The following SULF1 variants were observed in gnomAD, a reference collection of about 807,000 sequenced individuals.
The protein encoded by SULF1 is sulfatase 1.
Under a neutral mutation model 110.5 loss-of-function variants are expected in SULF1, and 46 were observed. The ratio of observed to expected loss-of-function variants is 0.42; its 90% CI spans 0.33 to 0.53. The LOEUF (loss-of-function observed/expected upper bound fraction) is 0.53, where lower values mean the gene tolerates loss of function less well. Among genes scored for constraint, SULF1 ranks in the 20% least tolerant of loss-of-function variants. SULF1 has a pLI of 0.12. For missense variants in SULF1, 941 were observed against 1,094.2 expected (o/e 0.86, Z 1.98); for synonymous variants, 371 against 387.1 (o/e 0.96, Z 0.49).
At chr8:69,594,195 G>T (rs1177215047) in intron 8 of SULF1, among the ~76,000 whole-genome samples, 1 of 152,102 alleles carries the variant, frequency 6.6e-6, no homozygotes, top group African/African-American at 2.4e-5. Flanking sequence ...GGAATTACAG[G>T]CATGCGCCAC....
In SULF1 at chr8:69,588,926, A is replaced by G. The variant is rs749468440; in HGVS notation, c.565-46A>G. On this transcript the variant is annotated intron_variant, in intron 7 of 22. Coordinates refer to ENST00000402687, the MANE Select transcript of SULF1 (RefSeq NM_001128205.2). ...CAGTTATTCAAATGCGATCTGATGA[A>G]TGTCACCTTTTGTAATTTTTGTTTT... 11 of 1,576,208 alleles carry G rather than the reference A, an allele frequency of 7.0e-6. No homozygotes were observed. The South Asian group carries it at 1.3e-4, about 18-fold the overall frequency.
intron 3 of SULF1, among the ~76,000 whole-genome samples, chr8:69,554,568 G>C (rs150315984): frequency 2.8e-4 from 42 of 152,068 alleles, no homozygotes; most frequent in South Asian, 8.3e-4. Context: ...AAAGTTTCAA[G>C]ACACTACAGG....
chr8:69,545,400 T>C (rs1266654294), intron 3 of SULF1, among the ~76,000 whole-genome samples: 1 of 152,194 alleles, frequency 6.6e-6, no homozygotes, highest in Non-Finnish European at 1.5e-5. Context: ...GGTATTTGAC[T>C]ACACATAGCA....
At chr8:69,658,053 G>A (rs1237590903) in intron 22 of SULF1, among the ~76,000 whole-genome samples, 1 of 152,178 alleles carries the variant, frequency 6.6e-6, no homozygotes, top group Non-Finnish European at 1.5e-5. Flanking sequence ...ACTAAGCATT[G>A]CCTATTACAT....
intron 19 of SULF1, chr8:69,637,569 T>A (rs560492440): frequency 6.5e-6 from 1 of 154,360 alleles, no homozygotes; most frequent in East Asian, 1.9e-4. Flanking sequence ...CCACATTTAT[T>A]GAAGAATGTA....
At chr8:69,525,516 G>A (rs907177183) in intron 3 of SULF1, among the ~76,000 whole-genome samples, 3 of 152,044 alleles carry the variant, frequency 2.0e-5, no homozygotes, top group Non-Finnish European at 2.9e-5. Flanking sequence ...AGTTGAGTGG[G>A]GAGAAAGAAT....
chr8:69,534,727 T>C (rs1456804636), intron 3 of SULF1, among the ~76,000 whole-genome samples: 1 of 152,172 alleles, frequency 6.6e-6, no homozygotes, highest in Non-Finnish European at 1.5e-5. Flanking sequence ...TGAAGGCAAT[T>C]TGAGAAGTTG....
chr8:69,521,036 C>A (rs144294273), intron 3 of SULF1, among the ~76,000 whole-genome samples: 2 of 152,122 alleles, frequency 1.3e-5, no homozygotes, highest in Non-Finnish European at 2.9e-5. Flanking sequence ...TGCTTGGAAC[C>A]TATTCTAATT....
intron 3 of SULF1, among the ~76,000 whole-genome samples, chr8:69,561,607 C>T (rs899348982): frequency 6.6e-5 from 10 of 152,204 alleles, no homozygotes; most frequent in South Asian, 4.1e-4. Flanking sequence ...GTTTGTCTAA[C>T]GCAGTGAGCC....
chr8:69,652,454 A>G (rs749974695), intron 22 of SULF1, among the ~76,000 whole-genome samples: 33 of 152,196 alleles, frequency 2.2e-4, no homozygotes, highest in Non-Finnish European at 4.1e-4. Context: ...TTCTCTTTTC[A>G]TTGAAGATTT....
In SULF1 at chr8:69,624,136, A is replaced by G. The variant is rs61747130; in HGVS notation, c.1789A>G (p.Arg597Gly). 4.1e-3 allele frequency: 6,658 copies of G among 1,612,834 alleles called. 258 individuals are homozygous for G. In the African/African-American group the frequency reaches 0.078, roughly 19 times the overall value. ...GGCTTCCAGTGGTGGCAACAGGGGC[A>G]GGATGCTGGCAGATAGCAGCAACGC... ...LQASSGGNRG[R>G]MLADSSNAVG... The change falls in exon 15 of 23, where the codon AGG becomes GGG. Residue 597 changes from arginine (R) to glycine (G), a missense_variant. Transcript: ENST00000402687.
At chr8:69,606,579 C>G (rs1808236036) in intron 13 of SULF1, among the ~76,000 whole-genome samples, 1 of 152,168 alleles carries the variant, frequency 6.6e-6, no homozygotes, top group South Asian at 2.1e-4. Context: ...ATAAGGTACA[C>G]TGCCTACATT....
At chr8:69,601,560 A>G in intron 9 of SULF1, 94 bp from the exon 10 acceptor site, 6 of 1,113,970 alleles carry the variant, frequency 5.4e-6, no homozygotes, top group Non-Finnish European at 7.4e-6. Flanking sequence ...TAAAAATAAC[A>G]GGAAAAAGAT....
intron 16 of SULF1, among the ~76,000 whole-genome samples, chr8:69,627,563 A>G (rs1335914771): frequency 1.3e-5 from 2 of 152,268 alleles, no homozygotes; most frequent in African/African-American, 4.8e-5. Flanking sequence ...CAGTTATAAA[A>G]GAGGAATCTG....
In SULF1 at chr8:69,604,901, G is replaced by C; in HGVS notation, c.1346G>C (p.Arg449Thr). Residue 449 changes from arginine (R) to threonine (T), a missense_variant, in exon 13 of 23, where the codon AGG (arginine) becomes ACG (threonine). Arg to Thr is a moderately conservative substitution (Grantham distance 71). Coordinates refer to ENST00000402687, the MANE Select transcript of SULF1 (RefSeq NM_001128205.2). ...GTCAAAGAACTATGCCAGCAGGCCAGGTACCAGACAGCCTGTGAACAACCG... is the reference window on the plus strand; with the variant it reads ...GTCAAAGAACTATGCCAGCAGGCCACGTACCAGACAGCCTGTGAACAACCG... ...ERVKELCQQA[R>T]YQTACEQPGQ... 6.2e-7 allele frequency: 1 copy of C among 1,614,182 alleles called. No homozygotes were observed. The highest frequency in any genetic ancestry group is 8.5e-7 in the Non-Finnish European group (1 of 1,180,024).
At chr8:69,637,247 A>C (rs1243175516) in intron 19 of SULF1, among the ~76,000 whole-genome samples, 1 of 152,194 alleles carries the variant, frequency 6.6e-6, no homozygotes, top group Non-Finnish European at 1.5e-5. Context: ...GATTGCTCTC[A>C]AGGTCATTGT....
At chr8:69,563,894 C>G in intron 4 of SULF1, 22 bp from the exon 5 acceptor site, 3 of 1,444,970 alleles carry the variant, frequency 2.1e-6, no homozygotes, top group Non-Finnish European at 2.9e-6. Flanking sequence ...CTCACCGTCT[C>G]CGTTTTTCTC....
In SULF1 at chr8:69,629,456, GA is replaced by G. The variant is rs1462767370; in HGVS notation, c.2109-47del. On this transcript the variant is annotated intron_variant, in intron 18 of 22. Coordinates refer to ENST00000402687, the MANE Select transcript of SULF1 (RefSeq NM_001128205.2). ...CACAGCAACAAGCCTATTTGTAATT[GA>G]GAAAGTGCCTTCTGAACACTCAAAA... The G allele has an allele frequency of 1.9e-6, 3 of 1,547,532 alleles. No individual in the cohort carries two copies. The South Asian group carries it at 3.8e-5, about 19-fold the overall frequency.
At chr8:69,576,323 G>A (rs1183116842) in intron 6 of SULF1, 114 bp downstream of exon 6, 2 of 1,314,226 alleles carry the variant, frequency 1.5e-6, no homozygotes, top group African/African-American at 2.9e-5. Context: ...AAAGGATCAA[G>A]TGTTTTTAAA....
Sources: allele counts gnomAD v4.1 joint callset (sites outside exome capture counted in the v4.1 genomes callset), GRCh38; gene constraint gnomAD v4.1.1; transcripts MANE v1.5; gene names NCBI Gene and HGNC (gene_info 2026-07-23, HGNC 2026-07-21).